CCAR1: variants seen among roughly 807,000 people sequenced by gnomAD.
CCAR1 encodes cell division cycle and apoptosis regulator protein 1.
In CCAR1, 78 loss-of-function variants were observed where a neutral mutation model predicts 163.8. That is an observed-to-expected ratio of 0.48 (90% CI 0.40 to 0.57). The LOEUF (loss-of-function observed/expected upper bound fraction) is 0.57, where lower values mean the gene tolerates loss of function less well. Ranked by LOEUF, CCAR1 falls within the 20% of genes least tolerant of loss-of-function variation. The pLI, the probability that CCAR1 is intolerant of heterozygous loss-of-function variation, is 0.00. For missense variants in CCAR1, 1,019 were observed against 1,365.2 expected, an observed-to-expected ratio of 0.75 and a Z score of 4.00; for synonymous variants, 443 against 460.7, an observed-to-expected ratio of 0.96 and a Z score of 0.49.
intron 17 of CCAR1, 24 bp from the exon 18 acceptor site, chr10:68,771,182 G>A (rs979648850): frequency 6.4e-7 from 1 of 1,564,268 alleles, no homozygotes; most frequent in Admixed American, 2.1e-5. Context: ...ATTTGGCTAG[G>A]TTCATGTTGA....
chr10:68,775,383 A>G (rs945243848), intron 19 of CCAR1, among the ~76,000 whole-genome samples: 8 of 151,960 alleles, frequency 5.3e-5, no homozygotes, highest in Non-Finnish European at 1.0e-4. Flanking sequence ...AGCCCTTTTT[A>G]CAGCCCCATT....
chr10:68,731,445 A>T (rs2056036197), intron 2 of CCAR1, among the ~76,000 whole-genome samples: 1 of 152,206 alleles, frequency 6.6e-6, no homozygotes, highest in South Asian at 2.1e-4. Context: ...TTTATAAAAG[A>T]TATAATCACA....
chr10:68,765,464 TGG>T (rs2056524732), intron 16 of CCAR1, among the ~76,000 whole-genome samples: 1 of 152,218 alleles, frequency 6.6e-6, no homozygotes, highest in African/African-American at 2.4e-5. Context: ...TATTGGTTTG[TGG>T]GGATACCTTG....
At chr10:68,757,499 C>T in intron 15 of CCAR1, 122 bp downstream of exon 15, 1 of 534,184 alleles carries the variant, frequency 1.9e-6, no homozygotes, top group Non-Finnish European at 3.3e-6. Flanking sequence ...ACTTCAGCCT[C>T]TGCCTCCTGG....
At chr10:68,762,344 C>CA (rs772177191) in intron 16 of CCAR1, among the ~76,000 whole-genome samples, 11,560 of 65,646 alleles carry the variant, frequency 0.18, 1,237 homozygotes, top group African/African-American at 0.4. Flanking sequence ...AAAAACAAAA[C>CA]AAAAAACAAA....
At chr10:68,782,671 T>A (rs951532210) in intron 19 of CCAR1, among the ~76,000 whole-genome samples, 2 of 152,100 alleles carry the variant, frequency 1.3e-5, no homozygotes, top group African/African-American at 4.8e-5. Context: ...CATTTACCAT[T>A]CCAAAAATCT....
At chr10:68,768,670 C>G (rs746055559) in intron 17 of CCAR1, among the ~76,000 whole-genome samples, 9 of 151,974 alleles carry the variant, frequency 5.9e-5, no homozygotes, top group Non-Finnish European at 1.3e-4. Flanking sequence ...AGTGCCATCC[C>G]TGTAATAATC....
At position 68,791,297 on chromosome 10, in the gene CCAR1, T is replaced by C. The variant is rs761084109; in HGVS notation, c.*31T>C. On this transcript the variant is annotated 3_prime_UTR_variant, in exon 25 of 25. Coordinates refer to ENST00000265872, the MANE Select transcript of CCAR1 (RefSeq NM_018237.4). ...TCCATGTAGTGATGAGGAATGGTGT[T>C]AAATAATGTAATATATAAAAATCAT... 7.2e-7 allele frequency: 1 copy of C among 1,389,760 alleles called. No individual in the cohort carries two copies. The highest frequency in any genetic ancestry group is 1.0e-6 in the Non-Finnish European group (1 of 1,000,280). The allele number at this position is 1,389,760 out of a possible 1,614,324, so 86.1% of individuals were successfully genotyped here.
At chr10:68,735,081 C>T (rs946069511) in intron 2 of CCAR1, among the ~76,000 whole-genome samples, 6 of 152,138 alleles carry the variant, frequency 3.9e-5, no homozygotes, top group African/African-American at 1.4e-4. Context: ...GTTGTGGTGG[C>T]TCACACCTGT....
At chr10:68,774,054 G>A (rs898416182) in intron 19 of CCAR1, among the ~76,000 whole-genome samples, 7 of 151,868 alleles carry the variant, frequency 4.6e-5, no homozygotes, top group Non-Finnish European at 7.4e-5. Context: ...CACCACACCC[G>A]GCTAATTTTG....
At chr10:68,777,683 CAA>C (rs34289016) in intron 19 of CCAR1, among the ~76,000 whole-genome samples, 2 of 115,456 alleles carry the variant, frequency 1.7e-5, no homozygotes, top group African/African-American at 3.3e-5. Flanking sequence ...GACTCCGTCT[CAA>C]AAAAAAAAAA....
At chr10:68,782,222 A>G (rs1337982716) in intron 19 of CCAR1, among the ~76,000 whole-genome samples, 2 of 152,212 alleles carry the variant, frequency 1.3e-5, no homozygotes, top group Non-Finnish European at 2.9e-5. Context: ...TGAAGAAGCT[A>G]TAGAAAAAAG....
At chr10:68,765,005 G>C (rs532869152) in intron 16 of CCAR1, among the ~76,000 whole-genome samples, 1 of 152,134 alleles carries the variant, frequency 6.6e-6, no homozygotes, top group South Asian at 2.1e-4. Flanking sequence ...TTTTATAAAC[G>C]TAGTTTCTTT....
chr10:68,723,699 T>G (rs1037158805), intron 2 of CCAR1, among the ~76,000 whole-genome samples: 1 of 149,532 alleles, frequency 6.7e-6, no homozygotes, highest in Non-Finnish European at 1.5e-5. Flanking sequence ...ATACAAAAAA[T>G]TAGTCGGGCA....
rs1368570906 is a variant in CCAR1, at chr10:68,742,633, TG to T, written c.518+66del. The stretch of plus-strand genomic sequence containing the variant: ...TTACCACAAAACACCTGTTTAGTTG[TG>T]GCAGAAATTGTATGTAGCCCAGGCT... On this transcript the variant is annotated intron_variant, in intron 6 of 24. Transcript: ENST00000265872. The T allele has an allele frequency of 5.7e-5, 73 of 1,284,906 alleles. No individual in the cohort carries two copies. The South Asian group carries it at 5.8e-4, about 10-fold the overall frequency. 79.6% of individuals were successfully genotyped at this position (1,284,906 alleles called of 1,614,324 possible). A position where few individuals can be genotyped will look rare whatever the true frequency, so the allele number is the denominator to read the frequency against.
Position 68,742,442 on chromosome 10 carries a change from T to C in CCAR1, c.391T>C (p.Ser131Pro). The C allele has an allele frequency of 6.2e-7, 1 of 1,614,188 alleles. No homozygotes were observed. Among genetic ancestry groups the C allele is most frequent in the Non-Finnish European group, 8.5e-7 (1 of 1,180,032 alleles). ...TCAGCCAACAGCACAAATAACTGTATCATATCCAACACCAAGGTCCAGTCA... is the reference window on the plus strand; with the variant it reads ...TCAGCCAACAGCACAAATAACTGTACCATATCCAACACCAAGGTCCAGTCA... ...TPQPTAQITV[S>P]YPTPRSSQQQ... Residue 131 changes from serine to proline, a missense_variant, in exon 6 of 25, where the codon TCA becomes CCA. Ser to Pro is a moderately conservative substitution (Grantham distance 74). This residue lies in a region of CCAR1 where 644 missense variants were observed against 904.4 expected (regional missense o/e 0.71). Coordinates refer to ENST00000265872, the MANE Select transcript of CCAR1 (RefSeq NM_018237.4).
intron 23 of CCAR1, among the ~76,000 whole-genome samples, chr10:68,789,161 A>G (rs58630866): frequency 2.0e-5 from 3 of 151,514 alleles, no homozygotes; most frequent in African/African-American, 7.3e-5. Context: ...CGCCCACCTC[A>G]GCCTCCCAAA....
intron 10 of CCAR1, 101 bp from the exon 11 acceptor site, chr10:68,753,751 C>T: frequency 1.2e-6 from 1 of 849,942 alleles, no homozygotes; most frequent in South Asian, 1.7e-5. Flanking sequence ...CTTTTTTCAG[C>T]TTACTTTTTA....
In CCAR1 at chr10:68,730,022, C is replaced by T. The variant is rs1265146461; in HGVS notation, c.74-6854C>T. On this transcript the variant is annotated intron_variant, in intron 2 of 24. Transcript: ENST00000265872. ...GTAACCTCCGCCTCCCGTGTTCAAG[C>T]GATTCTTCTGCCTCAGCCTCCTGAG... Among the ~76,000 whole-genome samples the T allele has an allele frequency of 3.3e-5, 5 of 151,550 alleles. No homozygotes were observed. In the East Asian group the frequency reaches 9.8e-4, roughly 30 times the overall value.
Sources: gnomAD v4.1 joint callset for allele counts (sites outside exome capture counted in the v4.1 genomes callset) on GRCh38, gnomAD v4.1.1 for gene constraint, gnomAD v4.1.1 regional missense constraint, MANE v1.5 for transcripts, NCBI Gene and HGNC (gene_info 2026-07-23, HGNC 2026-07-21) for gene names.